Variants in COMTD1 observed in about 807,000 individuals in gnomAD.
The protein encoded by COMTD1 is catechol O-methyltransferase domain-containing protein 1.
COMTD1 carries 35 observed loss-of-function variants against 33.6 expected under a neutral mutation model. The ratio of observed to expected loss-of-function variants is 1.04; its 90% CI spans 0.80 to 1.38. The LOEUF is 1.38. COMTD1 is among the 40% of genes most tolerant of loss of function. COMTD1 has a pLI of 0.00. For synonymous variants in COMTD1, 160 were observed against 176.8 expected (o/e 0.91, Z 0.75); for missense variants, 370 against 363.4 (o/e 1.02, Z -0.15).
chr10:75,235,235 G>T, intron 3 of COMTD1, 32 bp downstream of exon 3: 2 of 1,481,774 alleles, frequency 1.3e-6, no homozygotes, highest in South Asian at 1.3e-5. Context: ...CGGAAACCTC[G>T]GCCCTCCGGG....
Position 75,234,172 on chromosome 10 carries a change from C to T in COMTD1, c.690G>A (p.Glu230=), listed in dbSNP as rs143499197. Residue 230 remains glutamate (E), a synonymous_variant, in exon 7 of 7, where the codon GAG becomes GAA. Coordinates refer to ENST00000372538, the MANE Select transcript of COMTD1 (RefSeq NM_144589.4). ...LQPPKGDVAA[E]CVRNLNERIR... is the part of the protein sequence containing the mutation. Reference sequence around the variant, plus strand: ...TGCGTTCGTTTAGGTTTCGCACACACTCGGCCGCCACGTCCCCTTTCGGAG... The same window carrying T: ...TGCGTTCGTTTAGGTTTCGCACACATTCGGCCGCCACGTCCCCTTTCGGAG... The T allele has an allele frequency of 4.9e-4, 794 of 1,613,674 alleles. 6 individuals carry two copies. In the East Asian group the frequency reaches 0.015, roughly 30 times the overall value.
In COMTD1 at chr10:75,235,600, C is replaced by A; in HGVS notation, c.222+16G>T. 1 of 1,573,624 alleles carries A rather than the reference C, an allele frequency of 6.4e-7. No homozygotes were observed. Among genetic ancestry groups the A allele is most frequent in the Admixed American group, 1.8e-5 (1 of 56,684 alleles). On this transcript the variant is annotated intron_variant, in intron 2 of 6. Transcript: ENST00000372538. ...GGTCGAGAGGGACGCCCGTTTCCGT[C>A]CCGCGCCCTGCTGACCAGCCTCAGG...
Position 75,235,947 on chromosome 10 carries a change from CGGGAGGCAGT to C in COMTD1, c.-29_-20del, listed in dbSNP as rs1842188250. On this transcript the variant is annotated 5_prime_UTR_variant, in exon 1 of 7. Transcript: ENST00000372538. ...GGGTCATGGCGCGGGCAGGAGGCGGCGGGAGGCAGTGACAGGTCACGTGAGCTGGAGCTCC... is the reference window on the plus strand; with the variant it reads ...GGGTCATGGCGCGGGCAGGAGGCGGCGACAGGTCACGTGAGCTGGAGCTCC... 1.4e-6 allele frequency: 2 copies of C among 1,432,038 alleles called. No individual in the cohort carries two copies. The highest frequency in any genetic ancestry group is 1.8e-6 in the Non-Finnish European group (2 of 1,102,210). 88.7% of individuals were successfully genotyped at this position (1,432,038 alleles called of 1,614,324 possible). A position where few individuals can be genotyped will look rare whatever the true frequency, so the allele number is the denominator to read the frequency against.
chr10:75,234,973 ATCTTGTGC>A lies in COMTD1; in HGVS notation c.459_466del (p.Glu153AspfsTer145), dbSNP rs926143361. On this transcript the variant is annotated frameshift_variant, in exon 5 of 7. Transcript: ENST00000372538. LOFTEE classifies it high-confidence loss of function. ...CAAGGCGGGCTTCAGCCGGAGGTCGATCTTGTGCTCCGCCTCGGCCTGCGGAGGGAGCG... is the reference window on the plus strand; with the variant it reads ...CAAGGCGGGCTTCAGCCGGAGGTCGATCCGCCTCGGCCTGCGGAGGGAGCG... 1 of 1,524,276 alleles carries A rather than the reference ATCTTGTGC, an allele frequency of 6.6e-7. No homozygotes were observed. The highest frequency in any genetic ancestry group is 8.8e-7 in the Non-Finnish European group (1 of 1,138,504). The allele number at this position is 1,524,276 out of a possible 1,614,324, so 94.4% of individuals were successfully genotyped here. A position where few individuals can be genotyped will look rare whatever the true frequency, so the allele number is the denominator to read the frequency against.
chr10:75,235,791 C>T, intron 1 of COMTD1, 44 bp downstream of exon 1: 2 of 1,551,568 alleles, frequency 1.3e-6, no homozygotes, highest in Non-Finnish European at 1.7e-6. Flanking sequence ...CCGCGCCCTA[C>T]TCTGCGCCCG....
rs746542212 is a variant in COMTD1 at position 75,235,728 on chromosome 10, G to T, written c.110C>A (p.Pro37Gln). The T allele has an allele frequency of 5.0e-6, 8 of 1,601,420 alleles. No homozygotes were observed. The South Asian group carries it at 7.8e-5, about 16-fold the overall frequency. ...GCACTGCTCTCGCCGGCCTCGCCAT[G>T]GGGGGCACCGCCTCCCTGACGGGGA... ...TGLFLGRRCP[P>Q]WRGRREQCLL... is the part of the protein sequence containing the mutation. The change falls in exon 2 of 7, where the codon CCA (proline) becomes CAA (glutamine). Residue 37 changes from proline (P) to glutamine (Q), a missense_variant. Pro to Gln is a moderately conservative substitution (Grantham distance 76). Transcript: ENST00000372538.
At position 75,233,716 on chromosome 10, in the gene COMTD1, C is replaced by T. The variant is rs1842144864; in HGVS notation, c.*357G>A. On this transcript the variant is annotated 3_prime_UTR_variant, in exon 7 of 7. Transcript: ENST00000372538. ...CAGTCCCAGCTGCTCAGAACCAGAG[C>T]TTCGCCTGCCCTGAGGGAGAGATGT... Among the ~76,000 whole-genome samples, 1 of 152,268 alleles carries T rather than the reference C, an allele frequency of 6.6e-6. No individual in the cohort carries two copies. The highest frequency in any genetic ancestry group is 2.4e-5 in the African/African-American group (1 of 41,480).
chr10:75,235,797 G>GGGCCCCC, intron 1 of COMTD1, 38 bp downstream of exon 1: 1 of 1,538,646 alleles, frequency 6.5e-7, no homozygotes, highest in Non-Finnish European at 8.8e-7. Context: ...CCTACTCTGC[G>GGGCCCCC]CCCGCCCACC....
rs1465678435 is a variant in COMTD1, at chr10:75,234,641, A to G, written c.605T>C (p.Leu202Pro). 1 of 1,566,150 alleles carries G rather than the reference A, an allele frequency of 6.4e-7. No individual in the cohort carries two copies. Among genetic ancestry groups the G allele is most frequent in the Admixed American group, 1.9e-5 (1 of 53,490 alleles). The change falls in exon 6 of 7, where the codon CTG becomes CCG. Residue 202 changes from leucine to proline, a missense_variant. Transcript: ENST00000372538. ...GACGGCGAGGATGCCTCCGGGTCGC[A>G]GCAGCTGCAGGCAGCGCTCGTAGTA... ...SAYYERCLQL[L>P]RPGGILAVLR...
At chr10:75,235,537 C>A (rs1842178248) in intron 2 of COMTD1, 79 bp downstream of exon 2, 2 of 1,463,448 alleles carry the variant, frequency 1.4e-6, no homozygotes, top group Non-Finnish European at 1.8e-6. Context: ...AGGGCCAGGG[C>A]CCAGCCCAAG....
Position 75,233,824 on chromosome 10 carries a change from G to A in COMTD1, c.*249C>T. 5 of 926,512 alleles carry A rather than the reference G, an allele frequency of 5.4e-6. No individual in the cohort carries two copies. Among genetic ancestry groups the A allele is most frequent in the Non-Finnish European group, 7.7e-6 (5 of 647,746 alleles). The allele number at this position is 926,512 out of a possible 1,614,324, so 57.4% of individuals were successfully genotyped here. On this transcript the variant is annotated 3_prime_UTR_variant, in exon 7 of 7. Coordinates refer to ENST00000372538, the MANE Select transcript of COMTD1 (RefSeq NM_144589.4). ...GTTAAAACTTTATAACCTGCCTCCT[G>A]CCAGCTGGAGGTTCCTGCAGTTGGG...
At position 75,234,541 on chromosome 10, in the gene COMTD1, G is replaced by A. The variant is rs1028073755; in HGVS notation, c.636+69C>T. ...TGGGTGGGGCTTTGGGGTATAAGAG[G>A]AGTCAAGGGAAAAGATGGGGACCCG... On this transcript the variant is annotated intron_variant, in intron 6 of 6. Coordinates refer to ENST00000372538, the MANE Select transcript of COMTD1 (RefSeq NM_144589.4). 3.3e-6 allele frequency: 5 copies of A among 1,501,240 alleles called. No homozygotes were observed. The Admixed American group carries it at 6.5e-5, about 20-fold the overall frequency. The allele number at this position is 1,501,240 out of a possible 1,614,324, so 93.0% of individuals were successfully genotyped here.
At position 75,235,826 on chromosome 10, in the gene COMTD1, C is replaced by T; in HGVS notation, c.94+9G>A. 1 of 1,301,534 alleles carries T rather than the reference C, an allele frequency of 7.7e-7. No homozygotes were observed. The highest frequency in any genetic ancestry group is 1.0e-6 in the Non-Finnish European group (1 of 963,872). The allele number at this position is 1,301,534 out of a possible 1,614,324, so 80.6% of individuals were successfully genotyped here. On this transcript the variant is annotated intron_variant, in intron 1 of 6. Transcript: ENST00000372538. Reference sequence around the variant, plus strand: ...GCCCACCCGCCCGCCGGGACCAGGTCCTGCTCACCCAGGAAGAGGCCAGTG... The same window carrying T: ...GCCCACCCGCCCGCCGGGACCAGGTTCTGCTCACCCAGGAAGAGGCCAGTG...
At position 75,234,216 on chromosome 10, in the gene COMTD1, G is replaced by T. The variant is rs187820537; in HGVS notation, c.646C>A (p.Arg216Ser). The T allele has an allele frequency of 7.4e-6, 12 of 1,611,394 alleles. No individual in the cohort carries two copies. In the East Asian group the frequency reaches 2.5e-4, roughly 33 times the overall value. The stretch of plus-strand genomic sequence containing the variant: ...TTCGGAGGTTGCAGCACCTTCCCGC[G>T]CCACAGGACCTGCGGGAGGGCGGGG... ...GILAVLRVLWRGKVLQPPKGD... is the reference protein window; with the variant it reads ...GILAVLRVLWSGKVLQPPKGD... The change falls in exon 7 of 7, where the codon CGC becomes AGC. Residue 216 changes from arginine to serine, a missense_variant. Transcript: ENST00000372538.
intron 2 of COMTD1, 44 bp downstream of exon 2, chr10:75,235,572 A>G: frequency 6.5e-7 from 1 of 1,534,986 alleles, no homozygotes; most frequent in Non-Finnish European, 8.7e-7. Flanking sequence ...TGGGACCCGC[A>G]GGGGTCGAGA....
At chr10:75,235,411 AC>A in intron 2 of COMTD1, 39 bp from the exon 3 acceptor site, 1 of 1,452,418 alleles carries the variant, frequency 6.9e-7, no homozygotes. Flanking sequence ...CATGCAGGTC[AC>A]CCACCTTCGC....
rs1454276579 is a variant in COMTD1, at chr10:75,235,114, C to A, written c.393G>T (p.Val131=). 14 of 1,403,840 alleles carry A rather than the reference C, an allele frequency of 1.0e-5. No homozygotes were observed. Among genetic ancestry groups the A allele is most frequent in the Non-Finnish European group, 1.3e-5 (14 of 1,085,730 alleles). 87.0% of individuals were successfully genotyped at this position (1,403,840 alleles called of 1,614,324 possible). A position where few individuals can be genotyped will look rare whatever the true frequency, so the allele number is the denominator to read the frequency against. The change falls in exon 4 of 7, where the codon GTG becomes GTT. Residue 131 remains valine (V), a synonymous_variant. Transcript: ENST00000372538. The part of the protein sequence containing the change: ...ALALPADGRV[V]TCEVDAQPPE... The stretch of plus-strand genomic sequence containing the variant: ...GGGGCTGCGCGTCCACCTCGCAGGT[C>A]ACCACGCGCCCGTCCGCGGGCAGCG...
chr10:75,234,695 A>G lies in COMTD1; in HGVS notation c.551T>C (p.Val184Ala). ...GEAGTFDVAV[V>A]DADKENCSAY... Reference sequence around the variant, plus strand: ...GGAGCAGTTCTCCTTGTCCGCATCCACCACGGCCACGTCGAAGGTGCCGGC... The same window carrying G: ...GGAGCAGTTCTCCTTGTCCGCATCCGCCACGGCCACGTCGAAGGTGCCGGC... The change falls in exon 6 of 7, where the codon GTG becomes GCG. Residue 184 changes from valine (V) to alanine (A), a missense_variant. Coordinates refer to ENST00000372538, the MANE Select transcript of COMTD1 (RefSeq NM_144589.4). 1 of 1,591,442 alleles carries G rather than the reference A, an allele frequency of 6.3e-7. No individual in the cohort carries two copies. Among genetic ancestry groups the G allele is most frequent in the East Asian group, 2.3e-5 (1 of 43,560 alleles).
chr10:75,234,368 TC>T, intron 6 of COMTD1, 143 bp from the exon 7 acceptor site: 4 of 1,013,650 alleles, frequency 3.9e-6, no homozygotes, highest in Non-Finnish European at 5.5e-6. Flanking sequence ...AGGCGGGGTC[TC>T]GGAGGGAGGT....
Sources: gnomAD v4.1 joint callset for allele counts (sites outside exome capture counted in the v4.1 genomes callset) on GRCh38, gnomAD v4.1.1 for gene constraint, MANE v1.5 for transcripts, NCBI Gene and HGNC (gene_info 2026-07-23, HGNC 2026-07-21) for gene names.